Variants in SLC6A9 observed in about 807,000 individuals in gnomAD.
SLC6A9 encodes sodium- and chloride-dependent glycine transporter 1.
Under a neutral mutation model 70.9 loss-of-function variants are expected in SLC6A9, and 31 were observed. The ratio of observed to expected loss-of-function variants is 0.44; its 90% CI spans 0.33 to 0.59. SLC6A9 has a LOEUF of 0.59. Ranked by LOEUF, SLC6A9 falls within the 20% of genes least tolerant of loss-of-function variation. The pLI is 0.04. For missense variants in SLC6A9, 631 were observed against 845.2 expected (o/e 0.75, Z 3.14); for synonymous variants, 310 against 341.3 (o/e 0.91, Z 1.01).
intron 12 of SLC6A9, 123 bp from the exon 13 acceptor site, chr1:43,998,148 A>T: frequency 1.1e-6 from 1 of 919,956 alleles, no homozygotes; most frequent in Non-Finnish European, 1.6e-6. Flanking sequence ...TTGGGGCAGA[A>T]CAGGGACAGC....
intron 2 of SLC6A9, chr1:44,016,920 T>C (rs2086764496): frequency 3.2e-6 from 3 of 945,426 alleles, no homozygotes; most frequent in Middle Eastern, 6.0e-4. Context: ...CTGGTGTCTG[T>C]CTTGCTTGCT....
intron 2 of SLC6A9, chr1:44,017,369 ACACAC>A: frequency 7.6e-4 from 7 of 9,224 alleles, no homozygotes; most frequent in Non-Finnish European, 1.1e-3. Flanking sequence ...AACTGGAACA[ACACAC>A]ACACACACAC....
chr1:44,031,343 A>C lies in SLC6A9; in HGVS notation c.-123T>G, dbSNP rs1168692596. 6.6e-6 allele frequency: 1 copy of C among 151,678 alleles called. No individual in the cohort carries two copies. The highest frequency in any genetic ancestry group is 1.5e-5 in the Non-Finnish European group (1 of 67,912). The allele number at this position is 151,678 out of a possible 1,614,324, so 9.4% of individuals were successfully genotyped here. ...CCCGGCCCAGGCGTGCTGGGTCCGC[A>C]CCGCGGTGCGCCCAGGTGGCTTTCT... On this transcript the variant is annotated 5_prime_UTR_variant, in exon 1 of 14. Coordinates refer to ENST00000372310, the MANE Select transcript of SLC6A9 (RefSeq NM_001024845.3).
intron 3 of SLC6A9, 119 bp downstream of exon 3, chr1:44,010,607 G>T: frequency 9.8e-7 from 1 of 1,016,194 alleles, no homozygotes; most frequent in Non-Finnish European, 1.5e-6. Context: ...GGCGAAGGAG[G>T]CCAGGGCCAG....
At chr1:44,023,138 AT>A (rs967346148) in intron 2 of SLC6A9, among the ~76,000 whole-genome samples, 1 of 152,140 alleles carries the variant, frequency 6.6e-6, no homozygotes, top group African/African-American at 2.4e-5. Flanking sequence ...AACACAGGGG[AT>A]TGAAAGGATG....
rs576322457 is a variant in SLC6A9 at position 44,007,162 on chromosome 1, C to T, written c.590+1191G>A. On this transcript the variant is annotated intron_variant, in intron 5 of 13. Coordinates refer to ENST00000372310, the MANE Select transcript of SLC6A9 (RefSeq NM_001024845.3). Reference sequence around the variant, plus strand: ...CTCTCCCTTCTCTGGGAAGCTCTGACTGCCTGGTCTTGCCCCATCCCCTTA... The same window carrying T: ...CTCTCCCTTCTCTGGGAAGCTCTGATTGCCTGGTCTTGCCCCATCCCCTTA... Among the ~76,000 whole-genome samples the T allele has an allele frequency of 5.3e-5, 8 of 152,290 alleles. 1 individual carries two copies. The highest frequency in any genetic ancestry group is 1.9e-4 in the East Asian group (1 of 5,186).
intron 12 of SLC6A9, among the ~76,000 whole-genome samples, chr1:43,998,982 A>AG (rs66857635): frequency 0.18 from 24,576 of 134,214 alleles, 2,333 homozygotes; most frequent in East Asian, 0.3. Context: ...TGGCGGGGGA[A>AG]GGGGGGGGGC....
At position 44,011,436 on chromosome 1, in the gene SLC6A9, G is replaced by A. The variant is rs539659516; in HGVS notation, c.31-554C>T. ...CTGGGGGCACAGAGTGGGCAGGGCT[G>A]GGGGGAAATGGGGGAGCAGCTGAGC... On this transcript the variant is annotated intron_variant, in intron 2 of 13. Coordinates refer to ENST00000372310, the MANE Select transcript of SLC6A9 (RefSeq NM_001024845.3). 5.0e-6 allele frequency: 4 copies of A among 796,530 alleles called. No individual in the cohort carries two copies. The East Asian group carries it at 7.4e-5, about 15-fold the overall frequency. The allele number at this position is 796,530 out of a possible 1,614,324, so 49.3% of individuals were successfully genotyped here. A position where few individuals can be genotyped will look rare whatever the true frequency, so the allele number is the denominator to read the frequency against.
chr1:44,023,446 CAGCCTGGCCAACATGGTGA>C (rs1227593538), intron 2 of SLC6A9, among the ~76,000 whole-genome samples: 12 of 151,950 alleles, frequency 7.9e-5, no homozygotes, highest in African/African-American at 2.9e-4. Context: ...AGTTTGAGAC[CAGCCTGGCCAACATGGTGA>C]AACCCCGTCT....
chr1:44,001,651 C>T, intron 8 of SLC6A9, 24 bp from the exon 9 acceptor site: 1 of 1,566,554 alleles, frequency 6.4e-7, no homozygotes, highest in Non-Finnish European at 8.7e-7. Flanking sequence ...AAACAGAGTT[C>T]AGCTTCCCTC....
intron 2 of SLC6A9, chr1:44,014,746 G>C (rs138832480): frequency 6.6e-6 from 1 of 152,058 alleles, no homozygotes; most frequent in East Asian, 1.9e-4. Flanking sequence ...GCAGAGGCGG[G>C]ACACCGGTGC....
At chr1:44,021,872 G>A (rs2086890093) in intron 2 of SLC6A9, among the ~76,000 whole-genome samples, 1 of 152,256 alleles carries the variant, frequency 6.6e-6, no homozygotes. Context: ...ACTGAATGGA[G>A]GTGGCTTCAG....
chr1:44,025,608 T>C (rs1044043321), intron 1 of SLC6A9, among the ~76,000 whole-genome samples: 1 of 152,054 alleles, frequency 6.6e-6, no homozygotes, highest in Non-Finnish European at 1.5e-5. Context: ...GAGACCATCC[T>C]GGCCAACATG....
rs879814372 is a variant in SLC6A9, at chr1:44,013,453, C to A, written c.31-2571G>T. On this transcript the variant is annotated intron_variant, in intron 2 of 13. Transcript: ENST00000372310. The surrounding 1 kb of genome is among the most constrained non-coding windows in gnomAD (Gnocchi z 5.3). ...CCGTGTGCTAACCAGCTTAGCCGTG[C>A]GGGCTGTAACCCAGGGAGGCCACAG... Among the ~76,000 whole-genome samples the A allele has an allele frequency of 6.6e-6, 1 of 152,212 alleles. No individual in the cohort carries two copies. The highest frequency in any genetic ancestry group is 2.4e-5 in the African/African-American group (1 of 41,450).
intron 2 of SLC6A9, among the ~76,000 whole-genome samples, chr1:44,022,411 T>C (rs2086900402): frequency 6.6e-6 from 1 of 152,160 alleles, no homozygotes; most frequent in African/African-American, 2.4e-5. Context: ...GGTGGGGCCA[T>C]GTTTGGGTTC....
intron 10 of SLC6A9, 49 bp from the exon 11 acceptor site, chr1:44,001,104 C>T (rs2154304467): frequency 6.2e-7 from 1 of 1,611,532 alleles, no homozygotes; most frequent in Non-Finnish European, 8.5e-7. Flanking sequence ...CCGGGCTCCC[C>T]AACCCTTCCC....
chr1:44,011,528 C>T, intron 2 of SLC6A9: 1 of 1,604,662 alleles, frequency 6.2e-7, no homozygotes, highest in Non-Finnish European at 8.5e-7. Flanking sequence ...AGCTACACTG[C>T]CCATGGCTGG....
intron 2 of SLC6A9, among the ~76,000 whole-genome samples, chr1:44,012,380 G>A (rs1339027914): frequency 6.6e-6 from 1 of 152,230 alleles, no homozygotes; most frequent in African/African-American, 2.4e-5. Flanking sequence ...CAGCCACCCT[G>A]TGCTCTCAAT....
intron 2 of SLC6A9, among the ~76,000 whole-genome samples, chr1:44,012,108 C>T (rs527406863): frequency 1.7e-4 from 26 of 152,302 alleles, no homozygotes; most frequent in African/African-American, 5.8e-4. Context: ...GATGGAGCCC[C>T]GTAGCCTCAG....
Sources: allele counts gnomAD v4.1 joint callset (sites outside exome capture counted in the v4.1 genomes callset), GRCh38; gene constraint gnomAD v4.1.1; non-coding constraint Gnocchi (gnomAD v3.1); transcripts MANE v1.5; gene names NCBI Gene and HGNC (gene_info 2026-07-23, HGNC 2026-07-21).